Variants in PDGFC observed in about 807,000 individuals in gnomAD.
PDGFC encodes the protein platelet-derived growth factor C.
Under a neutral mutation model 35.5 loss-of-function variants are expected in PDGFC, and 12 were observed. The observed-to-expected ratio is 0.34, with a 90% confidence interval of 0.22 to 0.55. PDGFC has a LOEUF of 0.55. Among genes scored for constraint, PDGFC ranks in the 20% least tolerant of loss-of-function variants. PDGFC has a pLI of 0.91. For synonymous variants in PDGFC, 159 were observed against 148.8 expected (o/e 1.07, Z -0.50); for missense variants, 322 against 412.4 (o/e 0.78, Z 1.90).
At chr4:156,925,298 ACT>A (rs1731381281) in intron 1 of PDGFC, among the ~76,000 whole-genome samples, 1 of 152,102 alleles carries the variant, frequency 6.6e-6, no homozygotes, top group Admixed American at 6.5e-5. Flanking sequence ...TTTTTTAAAG[ACT>A]CTCTGGTCAA....
At chr4:156,918,023 A>C (rs182029042) in intron 1 of PDGFC, among the ~76,000 whole-genome samples, 1 of 152,324 alleles carries the variant, frequency 6.6e-6, no homozygotes, top group East Asian at 1.9e-4. Flanking sequence ...GGTTAGTACA[A>C]GAAGTAATTA....
chr4:156,892,244 G>C (rs990318759), intron 1 of PDGFC, among the ~76,000 whole-genome samples: 21 of 152,294 alleles, frequency 1.4e-4, no homozygotes, highest in African/African-American at 5.1e-4. Context: ...AGATATTGTT[G>C]CAATAATCAC....
chr4:156,772,686 C>T lies in PDGFC; in HGVS notation c.703G>A (p.Val235Met). Residue 235 changes from valine (V) to methionine (M), a missense_variant and splice_region_variant, in exon 4 of 6, where the codon GTG (valine) becomes ATG (methionine). By Grantham distance (21) the Val-to-Met change is conservative. Transcript: ENST00000502773. ...GTTCTAATCTGAAGAGGGAGCTTACCTCTGGATTTTCTTCCAAAAACAAAA... is the reference window on the plus strand; with the variant it reads ...GTTCTAATCTGAAGAGGGAGCTTACTTCTGGATTTTCTTCCAAAAACAAAA... ...KAFVFGRKSR[V>M]VDLNLLTEEV... is the part of the protein sequence containing the mutation. 6.2e-7 allele frequency: 1 copy of T among 1,605,898 alleles called. No individual in the cohort carries two copies. The highest frequency in any genetic ancestry group is 8.5e-7 in the Non-Finnish European group (1 of 1,173,082).
rs73856756 is a variant in PDGFC at position 156,834,823 on chromosome 4, T to G, written c.314+15398A>C. 7.0e-3 allele frequency among the ~76,000 whole-genome samples: 1,072 copies of G among 152,278 alleles called. 7 individuals carry two copies. Among genetic ancestry groups the G allele is most frequent in the African/African-American group, 0.024 (1,013 of 41,570 alleles). On this transcript the variant is annotated intron_variant, in intron 2 of 5. Coordinates refer to ENST00000502773, the MANE Select transcript of PDGFC (RefSeq NM_016205.3). ...TGGGTAATAGAAAGCCCTTTACTAC[T>G]TCATAACTGTCAGTAGCATGTTGAA...
chr4:156,913,704 G>A (rs1731094767), intron 1 of PDGFC, among the ~76,000 whole-genome samples: 1 of 152,084 alleles, frequency 6.6e-6, no homozygotes, highest in African/African-American at 2.4e-5. Flanking sequence ...ATTAAGTGGT[G>A]TCAGAAGTGG....
chr4:156,941,557 T>C (rs992447605), intron 1 of PDGFC, among the ~76,000 whole-genome samples: 1 of 152,206 alleles, frequency 6.6e-6, no homozygotes, highest in Non-Finnish European at 1.5e-5. Flanking sequence ...AATAATGTTA[T>C]TGTAATCAAT....
intron 3 of PDGFC, among the ~76,000 whole-genome samples, chr4:156,780,039 G>A (rs1730933544): frequency 6.6e-6 from 1 of 151,304 alleles, no homozygotes; most frequent in African/African-American, 2.4e-5. Flanking sequence ...AGAATTCCAT[G>A]GGATGACTAA....
At chr4:156,846,072 CA>C (rs1166576607) in intron 2 of PDGFC, among the ~76,000 whole-genome samples, 2 of 151,448 alleles carry the variant, frequency 1.3e-5, no homozygotes, top group Non-Finnish European at 3.0e-5. Flanking sequence ...CTGAAAACTT[CA>C]AAAAAATGCC....
intron 1 of PDGFC, among the ~76,000 whole-genome samples, chr4:156,927,366 C>T (rs184063308): frequency 2.3e-3 from 348 of 152,224 alleles, no homozygotes; most frequent in African/African-American, 8.0e-3. Context: ...TTGAATTCCT[C>T]CTCAAAAATG....
chr4:156,962,042 C>G (rs1292521586), intron 1 of PDGFC, among the ~76,000 whole-genome samples: 1 of 152,090 alleles, frequency 6.6e-6, no homozygotes, highest in Non-Finnish European at 1.5e-5. Context: ...CACTGCCTGC[C>G]TGCTGAGAAA....
rs139145392 is a variant in PDGFC, at chr4:156,970,791, T to C, written c.113A>G (p.Gln38Arg). 8,668 of 1,588,684 alleles carry C rather than the reference T, an allele frequency of 5.5e-3. 40 individuals are homozygous for C. Among genetic ancestry groups the C allele is most frequent in the Non-Finnish European group, 6.8e-3 (7,857 of 1,156,692 alleles). ...AGAATGGGGGAAAGACTCACCGTTC[T>C]GTTCCTTGTTGCTGGAAAACTGGAA... ...SKFQFSSNKE[Q>R]NGVQDPQHER... Residue 38 changes from glutamine to arginine, a missense_variant, in exon 1 of 6, where the codon CAG becomes CGG. Physicochemically the swap from Gln to Arg is conservative, Grantham distance 43 (BLOSUM62 1). Transcript: ENST00000502773.
At chr4:156,959,886 T>A (rs1292250467) in intron 1 of PDGFC, among the ~76,000 whole-genome samples, 3 of 151,940 alleles carry the variant, frequency 2.0e-5, no homozygotes, top group African/African-American at 7.2e-5. Flanking sequence ...TTTAATGGGG[T>A]GCCCAACCGA....
intron 2 of PDGFC, among the ~76,000 whole-genome samples, chr4:156,822,081 G>C (rs1732277607): frequency 6.6e-6 from 1 of 152,068 alleles, no homozygotes; most frequent in African/African-American, 2.4e-5. Context: ...GTCTTTCATA[G>C]TGAAATTTAA....
chr4:156,889,395 T>G (rs149029041), intron 1 of PDGFC, among the ~76,000 whole-genome samples: 1 of 152,292 alleles, frequency 6.6e-6, no homozygotes, highest in African/African-American at 2.4e-5. Flanking sequence ...TTCCCAAGGT[T>G]AATGAAAAAG....
intron 1 of PDGFC, among the ~76,000 whole-genome samples, chr4:156,932,662 A>T (rs1390353243): frequency 1.4e-5 from 2 of 147,884 alleles, no homozygotes; most frequent in East Asian, 4.1e-4. Flanking sequence ...AACCAAACAC[A>T]GCATGTTCTC....
At chr4:156,912,075 C>T (rs916217239) in intron 1 of PDGFC, among the ~76,000 whole-genome samples, 1 of 152,056 alleles carries the variant, frequency 6.6e-6, no homozygotes, top group African/African-American at 2.4e-5. Flanking sequence ...ATAACAGAAA[C>T]CGAGAGCAAA....
chr4:156,773,323 C>G (rs983113689), intron 3 of PDGFC, among the ~76,000 whole-genome samples: 1 of 151,926 alleles, frequency 6.6e-6, no homozygotes, highest in African/African-American at 2.4e-5. Context: ...AAATAATTAA[C>G]CCAAAAGATC....
At chr4:156,840,233 G>C (rs973216429) in intron 2 of PDGFC, among the ~76,000 whole-genome samples, 1 of 152,166 alleles carries the variant, frequency 6.6e-6, no homozygotes, top group African/African-American at 2.4e-5. Context: ...ATGGTTTTAT[G>C]GGTCAGGCCC....
intron 1 of PDGFC, chr4:156,886,763 T>G (rs1730386560): frequency 6.6e-6 from 1 of 152,186 alleles, no homozygotes; most frequent in Non-Finnish European, 1.5e-5. Flanking sequence ...TTTCTATATC[T>G]GGACACAACT....
Sources: allele counts gnomAD v4.1 joint callset (sites outside exome capture counted in the v4.1 genomes callset), GRCh38; gene constraint gnomAD v4.1.1; transcripts MANE v1.5; gene names NCBI Gene and HGNC (gene_info 2026-07-23, HGNC 2026-07-21).